The following GRM7 variants were observed in gnomAD, a reference collection of about 807,000 sequenced individuals.
The protein encoded by GRM7 is metabotropic glutamate receptor 7.
Under a neutral mutation model 84.5 loss-of-function variants are expected in GRM7, and 35 were observed. That is an observed-to-expected ratio of 0.41 (90% confidence interval 0.32 to 0.55). The LOEUF (loss-of-function observed/expected upper bound fraction) is 0.55. GRM7 is among the 20% of genes least tolerant of loss of function. GRM7 has a pLI of 0.19. For synonymous variants in GRM7, 487 were observed against 455.1 expected, an observed-to-expected ratio of 1.07 and a Z score of -0.89; for missense variants, 1,003 against 1,194.6, an observed-to-expected ratio of 0.84 and a Z score of 2.36.
At chr3:7,221,626 T>C (rs74907487) in intron 2 of GRM7, among the ~76,000 whole-genome samples, 1 of 151,912 alleles carries the variant, frequency 6.6e-6, no homozygotes, top group East Asian at 1.9e-4. Context: ...TTCTTTTTTA[T>C]ACTTCTTTTC....
chr3:7,138,313 C>A (rs1013562678), intron 1 of GRM7, among the ~76,000 whole-genome samples: 1 of 151,768 alleles, frequency 6.6e-6, no homozygotes, highest in South Asian at 2.1e-4. Context: ...GACGTTAGAC[C>A]CTTTTTATCA....
intron 4 of GRM7, among the ~76,000 whole-genome samples, chr3:7,411,586 C>T (rs767069342): frequency 6.6e-6 from 1 of 152,114 alleles, no homozygotes; most frequent in African/African-American, 2.4e-5. Context: ...TATTTCTGCC[C>T]AATTTTGAAC....
chr3:7,708,411 T>C (rs1361482556), intron 9 of GRM7, among the ~76,000 whole-genome samples: 1 of 151,646 alleles, frequency 6.6e-6, no homozygotes, highest in East Asian at 1.9e-4. Context: ...CAGAGTGCTG[T>C]AGGCACAAGA....
intron 4 of GRM7, among the ~76,000 whole-genome samples, chr3:7,348,446 G>A (rs1477432603): frequency 2.0e-5 from 3 of 152,056 alleles, no homozygotes; most frequent in African/African-American, 4.8e-5. Context: ...TCAAGTACCA[G>A]TTAAATGCTC....
intron 2 of GRM7, among the ~76,000 whole-genome samples, chr3:7,168,515 G>A (rs1323689094): frequency 6.6e-6 from 1 of 152,112 alleles, no homozygotes; most frequent in East Asian, 1.9e-4. Flanking sequence ...TGCAAACCGG[G>A]AAAAGAGCAG....
intron 1 of GRM7, among the ~76,000 whole-genome samples, chr3:6,906,113 G>A (rs1354510222): frequency 6.6e-6 from 1 of 152,216 alleles, no homozygotes; most frequent in Non-Finnish European, 1.5e-5. Context: ...TACAGTTTCA[G>A]TTAGCTGATG....
At chr3:6,908,314 A>C (rs1177760342) in intron 1 of GRM7, among the ~76,000 whole-genome samples, 1 of 152,214 alleles carries the variant, frequency 6.6e-6, no homozygotes, top group Non-Finnish European at 1.5e-5. Context: ...TTGAAAATTA[A>C]TAATGATGAA....
chr3:7,600,943 C>T (rs796183849), intron 8 of GRM7, among the ~76,000 whole-genome samples: 2 of 152,222 alleles, frequency 1.3e-5, no homozygotes, highest in African/African-American at 4.8e-5. Context: ...ACCAGTGCAA[C>T]TTTATTCATA....
chr3:6,903,327 A>C (rs964458058), intron 1 of GRM7, among the ~76,000 whole-genome samples: 1 of 151,152 alleles, frequency 6.6e-6, no homozygotes, highest in Admixed American at 6.6e-5. Flanking sequence ...TCTAATATTT[A>C]TTTGTATGGA....
intron 4 of GRM7, among the ~76,000 whole-genome samples, chr3:7,365,356 C>CAGG (rs1480515248): frequency 6.6e-6 from 1 of 151,646 alleles, no homozygotes; most frequent in Non-Finnish European, 1.5e-5. Flanking sequence ...ATCTGTTCTT[C>CAGG]AGGAAGTCCT....
intron 1 of GRM7, among the ~76,000 whole-genome samples, chr3:7,118,099 A>C (rs1316887270): frequency 6.6e-6 from 1 of 152,132 alleles, no homozygotes; most frequent in East Asian, 1.9e-4. Flanking sequence ...AAAAACCCAA[A>C]AGAAGGCTGG....
chr3:7,154,563 G>A (rs1413566237), intron 2 of GRM7, among the ~76,000 whole-genome samples: 1 of 152,090 alleles, frequency 6.6e-6, no homozygotes, highest in Admixed American at 6.6e-5. Context: ...ACTGCCATAG[G>A]ATGCATGTGC....
chr3:7,663,992 T>A (rs1354462498), intron 8 of GRM7, among the ~76,000 whole-genome samples: 1 of 152,218 alleles, frequency 6.6e-6, no homozygotes, highest in Non-Finnish European at 1.5e-5. Context: ...GAAAAGCTTG[T>A]CTCAAACATC....
intron 9 of GRM7, among the ~76,000 whole-genome samples, chr3:7,709,615 T>C (rs1426162062): frequency 6.6e-6 from 1 of 152,156 alleles, no homozygotes; most frequent in East Asian, 1.9e-4. Context: ...ATTCGTTGTA[T>C]ATTTTGGGTT....
At chr3:6,884,947 C>CA (rs1695636769) in intron 1 of GRM7, among the ~76,000 whole-genome samples, 1 of 152,186 alleles carries the variant, frequency 6.6e-6, no homozygotes, top group Admixed American at 6.5e-5. Flanking sequence ...CCTTTAAGGA[C>CA]TGCAGAATGA....
chr3:7,546,894 T>C (rs1559394072), intron 7 of GRM7, among the ~76,000 whole-genome samples: 1 of 152,218 alleles, frequency 6.6e-6, no homozygotes, highest in Non-Finnish European at 1.5e-5. Context: ...TTAGAGTAAC[T>C]TAATAAGCCA....
At chr3:7,444,636 A>T (rs1181752284) in intron 5 of GRM7, among the ~76,000 whole-genome samples, 1 of 152,108 alleles carries the variant, frequency 6.6e-6, no homozygotes, top group Non-Finnish European at 1.5e-5. Context: ...AAACATTGAG[A>T]CTGAAACATT....
intron 7 of GRM7, among the ~76,000 whole-genome samples, chr3:7,462,161 A>T (rs185812185): frequency 4.9e-4 from 74 of 152,234 alleles, no homozygotes; most frequent in African/African-American, 1.7e-3. Flanking sequence ...TATCTGAGTA[A>T]TTGCAGTGCT....
At chr3:7,404,753 G>A (rs1695601804) in intron 4 of GRM7, among the ~76,000 whole-genome samples, 1 of 151,700 alleles carries the variant, frequency 6.6e-6, no homozygotes, top group Admixed American at 6.6e-5. Flanking sequence ...TGGTCCAGTT[G>A]GAGATCATAG....
Sources: allele counts gnomAD v4.1 joint callset (sites outside exome capture counted in the v4.1 genomes callset), GRCh38; gene constraint gnomAD v4.1.1; transcripts MANE v1.5; gene names NCBI Gene and HGNC (gene_info 2026-07-23, HGNC 2026-07-21).